UACA: variants seen among roughly 807,000 people sequenced by gnomAD.
UACA encodes the protein nuclear membrane binding protein.
In UACA, 112 loss-of-function variants were observed where a neutral mutation model predicts 160.5. That is an observed-to-expected ratio of 0.70 (90% CI 0.60 to 0.82). The LOEUF is 0.82. Among genes scored for constraint, UACA ranks in the 40% least tolerant of loss-of-function variants. UACA has a pLI of 0.00. For missense variants in UACA, 1,574 were observed against 1,614.6 expected (o/e 0.97, Z 0.43); for synonymous variants, 557 against 568.4 (o/e 0.98, Z 0.29).
intron 1 of UACA, among the ~76,000 whole-genome samples, chr15:70,713,667 C>G (rs971180289): frequency 6.6e-6 from 1 of 152,142 alleles, no homozygotes; most frequent in Non-Finnish European, 1.5e-5. Context: ...TCATGAAGTT[C>G]TTTTGGTCAC....
intron 1 of UACA, among the ~76,000 whole-genome samples, chr15:70,744,263 A>G (rs1377357518): frequency 6.6e-6 from 1 of 150,916 alleles, no homozygotes; most frequent in Non-Finnish European, 1.5e-5. Context: ...AAAAAAAAAA[A>G]AAAAAGAAAG....
chr15:70,710,539 A>G (rs753776015), intron 1 of UACA, among the ~76,000 whole-genome samples: 1 of 152,180 alleles, frequency 6.6e-6, no homozygotes, highest in African/African-American at 2.4e-5. Flanking sequence ...ACTCAGTCCC[A>G]TAAGACTGTC....
In UACA at chr15:70,736,243, G is replaced by T. The variant is rs138176963; in HGVS notation, c.78+27087C>A. 8.8e-4 allele frequency among the ~76,000 whole-genome samples: 134 copies of T among 152,240 alleles called. 1 individual carries two copies. In the East Asian group the frequency reaches 0.025, roughly 28 times the overall value. On this transcript the variant is annotated intron_variant, in intron 1 of 18. Coordinates refer to ENST00000322954, the MANE Select transcript of UACA (RefSeq NM_018003.4). ...TCACATCATATTTTACATCAGTCAA[G>T]TAGCTGTATATAAAGAATAATTTGA... is the stretch of plus-strand genomic sequence containing the variant.
chr15:70,735,419 G>C (rs564851459), intron 1 of UACA, among the ~76,000 whole-genome samples: 1 of 151,704 alleles, frequency 6.6e-6, no homozygotes, highest in East Asian at 1.9e-4. Flanking sequence ...GTGTTGTCTA[G>C]GAATATATCT....
intron 1 of UACA, among the ~76,000 whole-genome samples, chr15:70,729,339 G>C (rs1899246087): frequency 6.6e-6 from 1 of 152,140 alleles, no homozygotes; most frequent in Admixed American, 6.5e-5. Context: ...ATATACCATG[G>C]AATACTACTT....
chr15:70,741,362 A>G (rs755023866), intron 1 of UACA, among the ~76,000 whole-genome samples: 2 of 152,232 alleles, frequency 1.3e-5, no homozygotes, highest in South Asian at 2.1e-4. Flanking sequence ...TGCTGGATCA[A>G]ACAGGGATCT....
chr15:70,723,835 T>C (rs534878666), intron 1 of UACA, among the ~76,000 whole-genome samples: 61 of 152,194 alleles, frequency 4.0e-4, no homozygotes, highest in Non-Finnish European at 7.4e-4. Context: ...GGTTTCATCA[T>C]GTTGGCCAGG....
chr15:70,735,661 T>C (rs1453995340), intron 1 of UACA, among the ~76,000 whole-genome samples: 3 of 148,662 alleles, frequency 2.0e-5, no homozygotes, highest in African/African-American at 7.8e-5. Flanking sequence ...TTCCTACAAC[T>C]AGAGAAAACA....
chr15:70,777,767 G>A, the UACA span, among the ~76,000 whole-genome samples: 1 of 152,128 alleles, frequency 6.6e-6, no homozygotes, highest in Non-Finnish European at 1.5e-5. Flanking sequence ...GGAAATCGGA[G>A]GAAAAGAACT....
chr15:70,724,420 CTAAA>C (rs975190424), intron 1 of UACA, among the ~76,000 whole-genome samples: 4 of 152,038 alleles, frequency 2.6e-5, no homozygotes, highest in Admixed American at 6.6e-5. Context: ...AGCACAGAAC[CTAAA>C]TATATAATGA....
At chr15:70,760,268 G>GT (rs1280578170) in intron 1 of UACA, among the ~76,000 whole-genome samples, 1 of 151,960 alleles carries the variant, frequency 6.6e-6, no homozygotes, top group Non-Finnish European at 1.5e-5. Flanking sequence ...GGGGAGGGGG[G>GT]TTGTTTAATA....
chr15:70,674,511 A>G (rs1192757487), intron 13 of UACA, among the ~76,000 whole-genome samples: 1 of 152,194 alleles, frequency 6.6e-6, no homozygotes, highest in East Asian at 1.9e-4. Context: ...AAGTATTTTT[A>G]TAAGAAAAAT....
intron 7 of UACA, among the ~76,000 whole-genome samples, chr15:70,687,128 A>T (rs903004041): frequency 1.3e-5 from 2 of 152,236 alleles, no homozygotes; most frequent in Non-Finnish European, 2.9e-5. Context: ...AGAACACTCA[A>T]GAACCACTTT....
At chr15:70,711,115 G>C (rs1338266408) in intron 1 of UACA, among the ~76,000 whole-genome samples, 1 of 152,158 alleles carries the variant, frequency 6.6e-6, no homozygotes, top group Admixed American at 6.5e-5. Flanking sequence ...GCAGTTGTTT[G>C]CCAGAAACCA....
intron 1 of UACA, among the ~76,000 whole-genome samples, chr15:70,704,158 T>C (rs1327742314): frequency 6.6e-6 from 1 of 152,224 alleles, no homozygotes; most frequent in African/African-American, 2.4e-5. Context: ...AATAAGTAAC[T>C]TGGTAGTCAG....
chr15:70,725,716 G>A (rs931037316), intron 1 of UACA, among the ~76,000 whole-genome samples: 1 of 152,128 alleles, frequency 6.6e-6, no homozygotes, highest in Admixed American at 6.6e-5. Context: ...AAAACCAAGA[G>A]TGGGGATACA....
intron 1 of UACA, 68 bp from the exon 2 acceptor site, chr15:70,699,728 AAAAG>A (rs1456302108): frequency 1.3e-6 from 2 of 1,558,500 alleles, no homozygotes; most frequent in East Asian, 2.3e-5. Flanking sequence ...AAAGAAAGAA[AAAAG>A]AGAGAAAGGA....
chr15:70,720,244 A>G (rs1898949856), intron 1 of UACA, among the ~76,000 whole-genome samples: 1 of 152,186 alleles, frequency 6.6e-6, no homozygotes. Flanking sequence ...CAGCCTGCAG[A>G]ACAGTGAGCC....
At chr15:70,741,342 T>A (rs745749677) in intron 1 of UACA, among the ~76,000 whole-genome samples, 3 of 152,234 alleles carry the variant, frequency 2.0e-5, no homozygotes, top group Admixed American at 1.3e-4. Context: ...CCACAAGGCC[T>A]ATCTACATGT....
Sources: gnomAD v4.1 joint callset for allele counts (sites outside exome capture counted in the v4.1 genomes callset) on GRCh38, gnomAD v4.1.1 for gene constraint, MANE v1.5 for transcripts, NCBI Gene and HGNC (gene_info 2026-07-23, HGNC 2026-07-21) for gene names.